Variants in DYNC2H1 observed in about 807,000 individuals in gnomAD.
The protein encoded by DYNC2H1 is cytoplasmic dynein 2 heavy chain 1.
Under a neutral mutation model 570.0 loss-of-function variants are expected in DYNC2H1, and 410 were observed. The observed-to-expected ratio is 0.72, with a 90% CI of 0.66 to 0.78. The LOEUF (loss-of-function observed/expected upper bound fraction) is 0.78. Ranked by LOEUF, DYNC2H1 falls within the 30% of genes least tolerant of loss-of-function variation. The pLI is 0.00. For missense variants in DYNC2H1, 4,865 were observed against 5,046.4 expected (o/e 0.96, Z 1.09); for synonymous variants, 1,688 against 1,677.6 (o/e 1.01, Z -0.15).
chr11:103,352,803 T>C (rs1940115932), intron 82 of DYNC2H1, among the ~76,000 whole-genome samples: 1 of 152,210 alleles, frequency 6.6e-6, no homozygotes, highest in African/African-American at 2.4e-5. Context: ...ACTGGGTATA[T>C]ACCCAAAGGA....
In DYNC2H1 at chr11:103,186,530, T is replaced by C; in HGVS notation, c.6893+29T>C. The C allele has an allele frequency of 6.3e-7, 1 of 1,594,728 alleles. No individual in the cohort carries two copies. On this transcript the variant is annotated intron_variant, in intron 42 of 88. Coordinates refer to ENST00000375735, the MANE Select transcript of DYNC2H1 (RefSeq NM_001377.3). This position sits in a 1 kb window ranked among gnomAD's most constrained non-coding sequence, Gnocchi z 4.5. ...AGAAAAATATTGGCAAAGGTATATG[T>C]TGTGGATTTATTCCTGCCGCCCCTA...
In DYNC2H1 at chr11:103,190,239, T is replaced by G. The variant is rs1862241427; in HGVS notation, c.7437+423T>G. Among the ~76,000 whole-genome samples the G allele has an allele frequency of 2.6e-5, 4 of 152,114 alleles. No individual in the cohort carries two copies. In the South Asian group the frequency reaches 8.3e-4, roughly 32 times the overall value. On this transcript the variant is annotated intron_variant, in intron 45 of 88. Coordinates refer to ENST00000375735, the MANE Select transcript of DYNC2H1 (RefSeq NM_001377.3). ...TCTAAAGTATTCTTCCTAGATAAAA[T>G]GGGGAAGATACTTGAAAGTAGGCAT...
intron 80 of DYNC2H1, among the ~76,000 whole-genome samples, chr11:103,318,706 A>G (rs1937998553): frequency 6.6e-6 from 1 of 151,256 alleles, no homozygotes; most frequent in Admixed American, 6.7e-5. Flanking sequence ...ATAGTATTCC[A>G]AGAGAATTTT....
At chr11:103,426,309 C>T (rs1340956139) in intron 84 of DYNC2H1, among the ~76,000 whole-genome samples, 2 of 152,180 alleles carry the variant, frequency 1.3e-5, no homozygotes, top group Non-Finnish European at 2.9e-5. Context: ...TGTCAGCCCC[C>T]TGATTTCCTA....
At chr11:103,433,776 T>G (rs573424735) in intron 84 of DYNC2H1, among the ~76,000 whole-genome samples, 1 of 152,262 alleles carries the variant, frequency 6.6e-6, no homozygotes, top group South Asian at 2.1e-4. Flanking sequence ...GGATGAGGCT[T>G]TTTGGGTTTG....
chr11:103,195,952 G>A (rs111574431), intron 47 of DYNC2H1, among the ~76,000 whole-genome samples: 2,076 of 152,254 alleles, frequency 0.014, 24 homozygotes, highest in Middle Eastern at 0.085. Context: ...TATAGTAAGC[G>A]AAGGATATTC....
chr11:103,348,768 A>G (rs937093214), intron 82 of DYNC2H1, among the ~76,000 whole-genome samples: 3 of 152,028 alleles, frequency 2.0e-5, no homozygotes, highest in South Asian at 2.1e-4. Context: ...CCCAAATCTC[A>G]TCTTGAATTC....
chr11:103,298,159 C>T (rs1866910223), intron 75 of DYNC2H1, among the ~76,000 whole-genome samples: 1 of 152,154 alleles, frequency 6.6e-6, no homozygotes, highest in Admixed American at 6.6e-5. Flanking sequence ...GATCTTATCT[C>T]CTAACCACTC....
At chr11:103,359,562 C>T (rs1196540910) in intron 83 of DYNC2H1, among the ~76,000 whole-genome samples, 1 of 151,926 alleles carries the variant, frequency 6.6e-6, no homozygotes, top group Non-Finnish European at 1.5e-5. Context: ...CGAATGACTT[C>T]AAAGGCTTAC....
chr11:103,135,290 T>C (rs1263247451), intron 15 of DYNC2H1, among the ~76,000 whole-genome samples: 2 of 152,196 alleles, frequency 1.3e-5, no homozygotes, highest in African/African-American at 4.8e-5. Flanking sequence ...AAATAGTATT[T>C]ATAAGTATGA....
chr11:103,430,464 A>G (rs969314003), intron 84 of DYNC2H1, among the ~76,000 whole-genome samples: 1 of 152,066 alleles, frequency 6.6e-6, no homozygotes, highest in Non-Finnish European at 1.5e-5. Flanking sequence ...ACTCACGTTT[A>G]GAATATTACC....
At chr11:103,116,087 A>T (rs1858375802) in intron 4 of DYNC2H1, among the ~76,000 whole-genome samples, 1 of 152,110 alleles carries the variant, frequency 6.6e-6, no homozygotes, top group African/African-American at 2.4e-5. Context: ...TTCCACTATT[A>T]TTTCAATAAT....
intron 36 of DYNC2H1, among the ~76,000 whole-genome samples, chr11:103,175,562 T>C (rs1861766990): frequency 6.6e-6 from 1 of 152,198 alleles, no homozygotes; most frequent in Non-Finnish European, 1.5e-5. Context: ...TTTGACTTTA[T>C]GTATCTTACC....
chr11:103,475,733 A>T (rs1305991784), intron 88 of DYNC2H1, among the ~76,000 whole-genome samples: 1 of 152,192 alleles, frequency 6.6e-6, no homozygotes, highest in Non-Finnish European at 1.5e-5. Flanking sequence ...AAAGATTTGG[A>T]AGAATTTGGA....
intron 84 of DYNC2H1, among the ~76,000 whole-genome samples, chr11:103,431,366 G>A (rs1361329957): frequency 6.6e-6 from 1 of 152,006 alleles, no homozygotes; most frequent in East Asian, 1.9e-4. Context: ...AGAAATATTA[G>A]ATCTATTAAA....
At position 103,289,596 on chromosome 11, in the gene DYNC2H1, A is replaced by G. The variant is rs991972656; in HGVS notation, c.11095+1991A>G. Among the ~76,000 whole-genome samples, 1 of 151,986 alleles carries G rather than the reference A, an allele frequency of 6.6e-6. No homozygotes were observed. Among genetic ancestry groups the G allele is most frequent in the African/African-American group, 2.4e-5 (1 of 41,378 alleles). ...GGCAGCATAGTGAGACCTTGTCTTT[A>G]GTAAATATTAAAAAATGAGCCAGGC... On this transcript the variant is annotated intron_variant, in intron 75 of 88. Coordinates refer to ENST00000375735, the MANE Select transcript of DYNC2H1 (RefSeq NM_001377.3). The surrounding 1 kb of genome is among the most constrained non-coding windows in gnomAD (Gnocchi z 4.2).
At chr11:103,449,670 CATT>C (rs1001496186) in intron 85 of DYNC2H1, among the ~76,000 whole-genome samples, 3 of 106,582 alleles carry the variant, frequency 2.8e-5, no homozygotes, top group African/African-American at 9.1e-5. Context: ...TATTCATTTT[CATT>C]ATTATTCTTA....
At chr11:103,330,729 T>G (rs1938742169) in intron 82 of DYNC2H1, among the ~76,000 whole-genome samples, 1 of 151,940 alleles carries the variant, frequency 6.6e-6, no homozygotes, top group African/African-American at 2.4e-5. Flanking sequence ...CTTCATCTCC[T>G]TCATGTCCCT....
chr11:103,300,183 G>T (rs1866990626), intron 75 of DYNC2H1, among the ~76,000 whole-genome samples: 2 of 151,854 alleles, frequency 1.3e-5, no homozygotes, highest in African/African-American at 4.8e-5. Flanking sequence ...GAGTCAATTT[G>T]TTCCTTTTTG....
Sources: gnomAD v4.1 joint callset for allele counts (sites outside exome capture counted in the v4.1 genomes callset) on GRCh38, gnomAD v4.1.1 for gene constraint, Gnocchi (gnomAD v3.1) non-coding constraint, MANE v1.5 for transcripts, NCBI Gene and HGNC (gene_info 2026-07-23, HGNC 2026-07-21) for gene names.